BANF2: variants seen among roughly 807,000 people sequenced by gnomAD.
The protein encoded by BANF2 is BANF family member 2.
Under a neutral mutation model 8.0 loss-of-function variants are expected in BANF2, and 4 were observed. The observed-to-expected ratio is 0.50, with a 90% confidence interval of 0.25 to 1.14. The LOEUF is 1.14. Among genes scored for constraint, BANF2 ranks in the 50% most tolerant of loss-of-function variants. The pLI is 0.16. For synonymous variants in BANF2, 50 were observed against 40.6 expected, an observed-to-expected ratio of 1.23 and a Z score of -0.88; for missense variants, 96 against 107.5, an observed-to-expected ratio of 0.89 and a Z score of 0.47.
upstream of BANF2, among the ~76,000 whole-genome samples, chr20:17,699,410 T>G (rs1341208322): frequency 6.6e-6 from 1 of 152,238 alleles, no homozygotes; most frequent in Admixed American, 6.5e-5. Context: ...ACACCTGTGT[T>G]GAATTTAACT....
intron 3 of BANF2, among the ~76,000 whole-genome samples, chr20:17,730,237 G>A (rs1187287606): frequency 6.6e-6 from 1 of 152,142 alleles, no homozygotes; most frequent in Non-Finnish European, 1.5e-5. Flanking sequence ...TTTCCTGATT[G>A]GAAAGTGGAG....
chr20:17,709,778 T>C lies in BANF2; in HGVS notation c.-167+9723T>C, dbSNP rs137959567. Among the ~76,000 whole-genome samples the C allele has an allele frequency of 9.1e-4, 138 of 152,332 alleles. 3 individuals carry two copies. Among genetic ancestry groups the C allele is most frequent in the Middle Eastern group, 3.4e-3 (1 of 294 alleles). On this transcript the variant is annotated intron_variant, in intron 1 of 3. Transcript: ENST00000246090. Reference sequence around the variant, plus strand: ...TCTTATCTGTGAAATGGGATAATCATAGAAGCTATCTCATCCCAAGGGCAG... The same window carrying C: ...TCTTATCTGTGAAATGGGATAATCACAGAAGCTATCTCATCCCAAGGGCAG...
intron 1 of BANF2, among the ~76,000 whole-genome samples, chr20:17,717,189 G>A (rs2037666932): frequency 1.3e-5 from 2 of 152,136 alleles, no homozygotes; most frequent in Non-Finnish European, 2.9e-5. Flanking sequence ...CTCCATCAGT[G>A]CAGAGGTCCC....
At chr20:17,723,888 G>T (rs545941108) in intron 2 of BANF2, among the ~76,000 whole-genome samples, 1 of 152,110 alleles carries the variant, frequency 6.6e-6, no homozygotes, top group East Asian at 1.9e-4. Context: ...CCAGCTACTC[G>T]GGAGGCTGAG....
chr20:17,730,365 C>T (rs1262921490), intron 3 of BANF2, among the ~76,000 whole-genome samples: 1 of 152,134 alleles, frequency 6.6e-6, no homozygotes, highest in African/African-American at 2.4e-5. Flanking sequence ...GCCGTCTGCC[C>T]CTAAAACTGA....
chr20:17,703,844 T>G (rs1326374856), intron 1 of BANF2, among the ~76,000 whole-genome samples: 1 of 149,636 alleles, frequency 6.7e-6, no homozygotes, highest in African/African-American at 2.5e-5. Flanking sequence ...CAATCCTGGG[T>G]TCAAGCGATT....
intron 1 of BANF2, among the ~76,000 whole-genome samples, chr20:17,708,997 A>G (rs1468570154): frequency 2.0e-5 from 3 of 152,254 alleles, no homozygotes; most frequent in Non-Finnish European, 4.4e-5. Context: ...TTTCTGCAAG[A>G]TACTGCTCAG....
Position 17,712,969 on chromosome 20 carries a change from C to T in BANF2, c.-166-9747C>T, listed in dbSNP as rs114397153. 1.7e-3 allele frequency among the ~76,000 whole-genome samples: 256 copies of T among 152,118 alleles called. 1 individual carries two copies. Among genetic ancestry groups the T allele is most frequent in the African/African-American group, 6.0e-3 (248 of 41,498 alleles). On this transcript the variant is annotated intron_variant, in intron 1 of 3. Transcript: ENST00000246090. ...TCTTAGAAAGAGGAAAAATCCTGGC[C>T]GGGCATGGTGGCTCATGCCTGTAAT...
chr20:17,730,675 G>A (rs1302157974), intron 3 of BANF2, among the ~76,000 whole-genome samples: 1 of 152,224 alleles, frequency 6.6e-6, no homozygotes, highest in Non-Finnish European at 1.5e-5. Context: ...ACTGAGTTCA[G>A]GACCAGAAGG....
At chr20:17,712,863 C>A (rs1192759018) in intron 1 of BANF2, among the ~76,000 whole-genome samples, 1 of 152,072 alleles carries the variant, frequency 6.6e-6, no homozygotes, top group Non-Finnish European at 1.5e-5. Context: ...TAACAATGGC[C>A]AGATGGTGGA....
At chr20:17,709,412 G>C (rs1410808278) in intron 1 of BANF2, among the ~76,000 whole-genome samples, 1 of 152,166 alleles carries the variant, frequency 6.6e-6, no homozygotes, top group African/African-American at 2.4e-5. Flanking sequence ...ATTAAATCTT[G>C]GGCGAGGCAT....
At chr20:17,722,942 T>A in intron 2 of BANF2, 64 bp downstream of exon 2, 1 of 910,582 alleles carries the variant, frequency 1.1e-6, no homozygotes, top group South Asian at 5.1e-5. Flanking sequence ...TGGATGCACC[T>A]GATCATTTAC....
intron 3 of BANF2, among the ~76,000 whole-genome samples, chr20:17,732,174 C>G (rs2037907459): frequency 6.6e-6 from 1 of 152,210 alleles, no homozygotes; most frequent in Non-Finnish European, 1.5e-5. Context: ...CTCTTAGCAC[C>G]AGGCGCTGTG....
At chr20:17,713,375 G>A (rs556782781) in intron 1 of BANF2, among the ~76,000 whole-genome samples, 2 of 152,234 alleles carry the variant, frequency 1.3e-5, no homozygotes, top group Admixed American at 6.5e-5. Context: ...CTTCCATGAG[G>A]CATCTAAAGT....
intron 1 of BANF2, among the ~76,000 whole-genome samples, chr20:17,719,860 A>G (rs1168594196): frequency 6.6e-6 from 1 of 152,144 alleles, no homozygotes; most frequent in African/African-American, 2.4e-5. Context: ...CATGTGCCAT[A>G]TGGCAGCACA....
chr20:17,727,221 C>G (rs939059364), intron 3 of BANF2, among the ~76,000 whole-genome samples: 2 of 152,186 alleles, frequency 1.3e-5, no homozygotes, highest in South Asian at 4.1e-4. Flanking sequence ...ATGTGCTCCT[C>G]TTGTGTCCAT....
chr20:17,735,559 C>A (rs759655927), intron 3 of BANF2, 106 bp from the exon 4 acceptor site: 57 of 1,342,762 alleles, frequency 4.2e-5, no homozygotes, highest in Non-Finnish European at 5.2e-5. Context: ...CCTGCTCCCC[C>A]TCCTTTGATT....
At chr20:17,705,359 C>A (rs1457876516) in intron 1 of BANF2, among the ~76,000 whole-genome samples, 2 of 152,194 alleles carry the variant, frequency 1.3e-5, no homozygotes, top group African/African-American at 4.8e-5. Flanking sequence ...GGGCGGGAGC[C>A]TCATAAATTC....
At chr20:17,730,998 C>T (rs908571658) in intron 3 of BANF2, among the ~76,000 whole-genome samples, 2 of 152,172 alleles carry the variant, frequency 1.3e-5, no homozygotes, top group Admixed American at 6.5e-5. Context: ...GAGTTTAAGC[C>T]GGGCGTGGTA....
Sources: allele counts gnomAD v4.1 joint callset (sites outside exome capture counted in the v4.1 genomes callset), GRCh38; gene constraint gnomAD v4.1.1; transcripts MANE v1.5; gene names NCBI Gene and HGNC (gene_info 2026-07-23, HGNC 2026-07-21).